KCND2: variants seen among roughly 807,000 people sequenced by gnomAD.
KCND2 encodes A-type voltage-gated potassium channel KCND2.
KCND2 carries 16 observed loss-of-function variants against 54.4 expected under a neutral mutation model. The ratio of observed to expected loss-of-function variants is 0.29; its 90% CI spans 0.20 to 0.45. KCND2 has a LOEUF of 0.45. Among genes scored for constraint, KCND2 ranks in the 20% least tolerant of loss-of-function variants. KCND2 has a pLI of 1.00. For synonymous variants in KCND2, 317 were observed against 310.7 expected, an observed-to-expected ratio of 1.02 and a Z score of -0.21; for missense variants, 486 against 824.2, an observed-to-expected ratio of 0.59 and a Z score of 5.02.
intron 1 of KCND2, among the ~76,000 whole-genome samples, chr7:120,672,049 C>T (rs1791999825): frequency 6.6e-6 from 1 of 152,044 alleles, no homozygotes; most frequent in South Asian, 2.1e-4. Flanking sequence ...CCTGTCCTCA[C>T]CTGTTCTTTT....
chr7:120,574,750 T>A (rs979892735), intron 1 of KCND2, among the ~76,000 whole-genome samples: 11 of 152,054 alleles, frequency 7.2e-5, no homozygotes, highest in Middle Eastern at 3.2e-3. Context: ...AGGTTTTTTT[T>A]CTCTCTCTCT....
intron 1 of KCND2, among the ~76,000 whole-genome samples, chr7:120,651,257 G>A (rs2116544928): frequency 7.6e-6 from 1 of 131,822 alleles, no homozygotes; most frequent in African/African-American, 3.1e-5. Context: ...GCTGTGGTGG[G>A]CTCCATCCAG....
intron 1 of KCND2, among the ~76,000 whole-genome samples, chr7:120,398,967 C>A (rs1315410498): frequency 6.6e-6 from 1 of 151,896 alleles, no homozygotes; most frequent in East Asian, 1.9e-4. Flanking sequence ...GCCCAGTTCT[C>A]TCCCCTCCAT....
intron 1 of KCND2, among the ~76,000 whole-genome samples, chr7:120,458,837 T>A (rs1250476413): frequency 1.3e-5 from 2 of 150,706 alleles, no homozygotes; most frequent in Non-Finnish European, 3.0e-5. Flanking sequence ...ATCCAAAAAA[T>A]AATAATTATT....
intron 1 of KCND2, among the ~76,000 whole-genome samples, chr7:120,522,012 G>C (rs555184912): frequency 3.9e-4 from 59 of 152,242 alleles, no homozygotes; most frequent in Non-Finnish European, 7.6e-4. Context: ...AACAAATAAA[G>C]TCATAATGAT....
At chr7:120,690,046 C>T (rs1792250503) in intron 1 of KCND2, among the ~76,000 whole-genome samples, 1 of 152,114 alleles carries the variant, frequency 6.6e-6, no homozygotes, top group Admixed American at 6.5e-5. Flanking sequence ...TTCTCCTGTA[C>T]CTTGTAAATC....
At chr7:120,585,261 A>G (rs1486739215) in intron 1 of KCND2, among the ~76,000 whole-genome samples, 1 of 152,024 alleles carries the variant, frequency 6.6e-6, no homozygotes, top group African/African-American at 2.4e-5. Context: ...TGGTTGGATG[A>G]TTCTCAAGGA....
chr7:120,592,644 A>G (rs893579860), intron 1 of KCND2, among the ~76,000 whole-genome samples: 5 of 152,244 alleles, frequency 3.3e-5, no homozygotes, highest in Non-Finnish European at 7.3e-5. Flanking sequence ...AAAAAAGCAC[A>G]TTCGTCTTTC....
intron 1 of KCND2, among the ~76,000 whole-genome samples, chr7:120,699,273 C>T (rs1166544227): frequency 6.9e-6 from 1 of 144,658 alleles, no homozygotes; most frequent in Non-Finnish European, 1.5e-5. Context: ...CAGAGTGAGA[C>T]TCCATCTCAA....
At chr7:120,366,048 G>A (rs1401123919) in intron 1 of KCND2, among the ~76,000 whole-genome samples, 1 of 152,094 alleles carries the variant, frequency 6.6e-6, no homozygotes, top group Non-Finnish European at 1.5e-5. Flanking sequence ...TTATAGTAGA[G>A]ATGATTCCAG....
intron 1 of KCND2, among the ~76,000 whole-genome samples, chr7:120,640,738 A>G (rs1302541290): frequency 6.6e-6 from 1 of 152,190 alleles, no homozygotes; most frequent in Non-Finnish European, 1.5e-5. Context: ...TAGTTCCTCT[A>G]TTTCATTTCA....
intron 1 of KCND2, among the ~76,000 whole-genome samples, chr7:120,465,242 T>C (rs1334516597): frequency 6.6e-6 from 1 of 152,122 alleles, no homozygotes; most frequent in Non-Finnish European, 1.5e-5. Context: ...GTGATACTTA[T>C]CTTGGGTTCT....
At chr7:120,557,011 A>G (rs1792174163) in intron 1 of KCND2, among the ~76,000 whole-genome samples, 2 of 152,162 alleles carry the variant, frequency 1.3e-5, no homozygotes, top group African/African-American at 4.8e-5. Flanking sequence ...GAAGTTTACA[A>G]TCCAGGATTT....
intron 1 of KCND2, among the ~76,000 whole-genome samples, chr7:120,704,648 T>C (rs575302154): frequency 2.0e-5 from 3 of 152,342 alleles, no homozygotes; most frequent in Non-Finnish European, 2.9e-5. Flanking sequence ...ATATGAACTA[T>C]GTCTAAATGA....
At chr7:120,531,678 C>A (rs903463439) in intron 1 of KCND2, among the ~76,000 whole-genome samples, 4 of 152,126 alleles carry the variant, frequency 2.6e-5, no homozygotes, top group Admixed American at 6.6e-5. Context: ...AACATCAATG[C>A]TGCTCATACC....
intron 1 of KCND2, among the ~76,000 whole-genome samples, chr7:120,676,367 G>A (rs890710642): frequency 6.6e-6 from 1 of 151,892 alleles, no homozygotes; most frequent in African/African-American, 2.4e-5. Flanking sequence ...ATTTTACCAT[G>A]TTTAGTTGCA....
chr7:120,639,398 G>A (rs947099292), intron 1 of KCND2, among the ~76,000 whole-genome samples: 2 of 152,064 alleles, frequency 1.3e-5, no homozygotes, highest in East Asian at 3.9e-4. Flanking sequence ...TGAATAAAAT[G>A]GTTTCCTCCA....
At chr7:120,537,505 C>T (rs1294153185) in intron 1 of KCND2, among the ~76,000 whole-genome samples, 1 of 152,198 alleles carries the variant, frequency 6.6e-6, no homozygotes, top group East Asian at 1.9e-4. Context: ...CCTTTGAAGA[C>T]TTGCTGCTAG....
rs570220428 is a variant in KCND2, at chr7:120,493,220, A to C, written c.1115+217473A>C. Among the ~76,000 whole-genome samples, 7 of 151,166 alleles carry C rather than the reference A, an allele frequency of 4.6e-5. No individual in the cohort carries two copies. The South Asian group carries it at 1.2e-3, about 27-fold the overall frequency. ...ATAGATCTATATCATATATATATAT[A>C]TCTCCTAAAGTTTCTGTTCTTTTCC... On this transcript the variant is annotated intron_variant, in intron 1 of 5. Coordinates refer to ENST00000331113, the MANE Select transcript of KCND2 (RefSeq NM_012281.3).
Sources: gnomAD v4.1 joint callset for allele counts (sites outside exome capture counted in the v4.1 genomes callset) on GRCh38, gnomAD v4.1.1 for gene constraint, MANE v1.5 for transcripts, NCBI Gene and HGNC (gene_info 2026-07-23, HGNC 2026-07-21) for gene names.